The following ADAM12 variants were observed in gnomAD, a reference collection of about 807,000 sequenced individuals.
ADAM12 encodes ADAM metallopeptidase domain 12.
ADAM12 carries 70 observed loss-of-function variants against 106.4 expected under a neutral mutation model. The observed-to-expected ratio is 0.66, with a 90% confidence interval of 0.54 to 0.80. The LOEUF (loss-of-function observed/expected upper bound fraction) is 0.80. ADAM12 is among the 30% of genes least tolerant of loss of function. ADAM12 has a pLI of 0.00. For missense variants in ADAM12, 1,010 were observed against 1,171.9 expected (o/e 0.86, Z 2.02); for synonymous variants, 420 against 433.5 (o/e 0.97, Z 0.39).
At chr10:126,319,382 G>A (rs1431154727) in intron 2 of ADAM12, among the ~76,000 whole-genome samples, 3 of 152,114 alleles carry the variant, frequency 2.0e-5, no homozygotes, top group Non-Finnish European at 4.4e-5. Flanking sequence ...TAAGACATAT[G>A]CACAGTATGT....
In ADAM12 at chr10:126,268,229, A is replaced by G. The variant is rs530177970; in HGVS notation, c.260+10686T>C. 7.9e-5 allele frequency among the ~76,000 whole-genome samples: 12 copies of G among 152,322 alleles called. No individual in the cohort carries two copies. In the East Asian group the frequency reaches 2.3e-3, roughly 29 times the overall value. On this transcript the variant is annotated intron_variant, in intron 3 of 22. Coordinates refer to ENST00000448723, the MANE Select transcript of ADAM12 (RefSeq NM_001288973.2). The stretch of plus-strand genomic sequence containing the variant: ...CACCTCATGTAAATAGAATCGCATA[A>G]TATTTGTCCTTTAGTGTCTGAGTCA...
At chr10:126,105,050 G>C (rs1590415222) in intron 8 of ADAM12, among the ~76,000 whole-genome samples, 1 of 152,256 alleles carries the variant, frequency 6.6e-6, no homozygotes, top group South Asian at 2.1e-4. Flanking sequence ...GCGTCTGCTG[G>C]GGATGGACAG....
intron 3 of ADAM12, among the ~76,000 whole-genome samples, chr10:126,253,967 G>C (rs1051530602): frequency 1.3e-5 from 2 of 152,202 alleles, no homozygotes; most frequent in African/African-American, 4.8e-5. Context: ...CAGACTTCCA[G>C]GGCGCTATGT....
At chr10:126,193,050 G>T (rs909081700) in intron 3 of ADAM12, among the ~76,000 whole-genome samples, 1 of 152,130 alleles carries the variant, frequency 6.6e-6, no homozygotes, top group African/African-American at 2.4e-5. Context: ...TGGATCACAA[G>T]GTCAGGAGAT....
intron 1 of ADAM12, among the ~76,000 whole-genome samples, chr10:126,374,267 T>C (rs374306100): frequency 6.6e-6 from 1 of 152,202 alleles, no homozygotes; most frequent in South Asian, 2.1e-4. Context: ...CCAGGGTACA[T>C]AGGACTCCCA....
chr10:126,115,878 T>C (rs1955972591), intron 6 of ADAM12, among the ~76,000 whole-genome samples: 1 of 152,202 alleles, frequency 6.6e-6, no homozygotes, highest in Non-Finnish European at 1.5e-5. Context: ...GGATTCCACA[T>C]ATTTGAAATT....
intron 4 of ADAM12, among the ~76,000 whole-genome samples, chr10:126,151,123 G>A (rs1189834322): frequency 6.6e-6 from 1 of 152,188 alleles, no homozygotes; most frequent in Non-Finnish European, 1.5e-5. Flanking sequence ...GCCTAACAGT[G>A]TCTGCAAACA....
At chr10:126,033,292 C>CTAATGGA (rs1954001929) in intron 21 of ADAM12, among the ~76,000 whole-genome samples, 1 of 151,934 alleles carries the variant, frequency 6.6e-6, no homozygotes, top group African/African-American at 2.4e-5. Context: ...ATACCATTGG[C>CTAATGGA]TAATGGATAC....
intron 3 of ADAM12, among the ~76,000 whole-genome samples, chr10:126,216,787 C>A (rs542068492): frequency 6.6e-6 from 1 of 152,232 alleles, no homozygotes; most frequent in Non-Finnish European, 1.5e-5. Flanking sequence ...ACCAGGGTGA[C>A]CCCGGCAGAA....
intron 1 of ADAM12, among the ~76,000 whole-genome samples, chr10:126,364,807 A>C (rs1368886253): frequency 6.6e-6 from 1 of 152,158 alleles, no homozygotes; most frequent in African/African-American, 2.4e-5. Context: ...TAAGAATTTA[A>C]AGAGAACCTC....
chr10:126,338,097 T>C (rs1262650896), intron 1 of ADAM12, among the ~76,000 whole-genome samples: 2 of 152,142 alleles, frequency 1.3e-5, no homozygotes, highest in African/African-American at 4.8e-5. Context: ...ATTTTGAAAT[T>C]CAAAGAAAGC....
intron 19 of ADAM12, 50 bp from the exon 20 acceptor site, chr10:126,038,399 T>C: frequency 7.0e-7 from 1 of 1,421,972 alleles, no homozygotes. Flanking sequence ...CCCTTCTCAC[T>C]GACTTGACTT....
intron 3 of ADAM12, among the ~76,000 whole-genome samples, chr10:126,169,085 C>T (rs1328797597): frequency 6.6e-6 from 1 of 152,068 alleles, no homozygotes; most frequent in Non-Finnish European, 1.5e-5. Context: ...AAACACATTC[C>T]TTAGTGTGGA....
intron 3 of ADAM12, among the ~76,000 whole-genome samples, chr10:126,255,478 G>A (rs1958873046): frequency 1.3e-5 from 2 of 152,192 alleles, no homozygotes; most frequent in South Asian, 4.1e-4. Context: ...GGAGGACTAG[G>A]AGGGTCCAAT....
At chr10:126,082,363 G>GTCTTTTTTTTTT (rs1955237606) in intron 11 of ADAM12, among the ~76,000 whole-genome samples, 1 of 80,772 alleles carries the variant, frequency 1.2e-5, no homozygotes, top group African/African-American at 5.3e-5. Context: ...TCTAATGACT[G>GTCTTTTTTTTTT]TTTTTTTTTT....
At chr10:126,147,009 A>G (rs1956640400) in intron 4 of ADAM12, among the ~76,000 whole-genome samples, 1 of 152,170 alleles carries the variant, frequency 6.6e-6, no homozygotes, top group Non-Finnish European at 1.5e-5. Flanking sequence ...TGGTTGTAGA[A>G]GATACTATCC....
intron 8 of ADAM12, among the ~76,000 whole-genome samples, chr10:126,103,439 C>T (rs532692283): frequency 1.1e-4 from 16 of 152,314 alleles, no homozygotes; most frequent in Admixed American, 3.3e-4. Flanking sequence ...CATGATGCCA[C>T]GGTGGTTTCT....
chr10:126,327,184 C>T (rs1214618160), intron 2 of ADAM12, among the ~76,000 whole-genome samples: 2 of 152,152 alleles, frequency 1.3e-5, no homozygotes, highest in African/African-American at 4.8e-5. Context: ...CACAGAGCGA[C>T]GTGCCTTTCA....
At chr10:126,382,369 A>G (rs928912031) in intron 1 of ADAM12, among the ~76,000 whole-genome samples, 2 of 152,240 alleles carry the variant, frequency 1.3e-5, no homozygotes, top group African/African-American at 4.8e-5. Flanking sequence ...ACTCCCAGGA[A>G]TCGTGAAGGT....
Sources: gnomAD v4.1 joint callset for allele counts (sites outside exome capture counted in the v4.1 genomes callset) on GRCh38, gnomAD v4.1.1 for gene constraint, MANE v1.5 for transcripts, NCBI Gene and HGNC (gene_info 2026-07-23, HGNC 2026-07-21) for gene names.